DEK: variants seen among roughly 807,000 people sequenced by gnomAD.
DEK encodes DEK proto-oncogene.
DEK carries 28 observed loss-of-function variants against 46.8 expected under a neutral mutation model. The ratio of observed to expected loss-of-function variants is 0.60; its 90% CI spans 0.44 to 0.82. DEK has a LOEUF of 0.82. Among genes scored for constraint, DEK ranks in the 40% least tolerant of loss-of-function variants. The probability of loss-of-function intolerance (pLI) is 0.00; values close to 1 mark genes in which losing one functional copy is unlikely to be tolerated. For synonymous variants in DEK, 160 were observed against 144.5 expected, an observed-to-expected ratio of 1.11 and a Z score of -0.77; for missense variants, 416 against 430.6, an observed-to-expected ratio of 0.97 and a Z score of 0.30.
chr6:18,252,362 A>G (rs767347891), intron 6 of DEK, among the ~76,000 whole-genome samples: 30 of 152,020 alleles, frequency 2.0e-4, no homozygotes, highest in Non-Finnish European at 3.5e-4. Context: ...TGTAAAATTT[A>G]GCCACACATG....
chr6:18,240,549 G>C (rs1042149320), intron 7 of DEK, among the ~76,000 whole-genome samples: 4 of 152,268 alleles, frequency 2.6e-5, no homozygotes, highest in South Asian at 4.1e-4. Context: ...GGTAGTACCT[G>C]GCAAATAGTA....
At chr6:18,251,461 C>T (rs893340490) in intron 6 of DEK, among the ~76,000 whole-genome samples, 2 of 152,170 alleles carry the variant, frequency 1.3e-5, no homozygotes, top group Non-Finnish European at 2.9e-5. Context: ...AAAGAAACCA[C>T]AGGATAACCT....
intron 7 of DEK, among the ~76,000 whole-genome samples, chr6:18,248,467 C>T (rs535298973): frequency 1.3e-5 from 2 of 152,198 alleles, no homozygotes; most frequent in African/African-American, 4.8e-5. Flanking sequence ...GTTTTCCTCC[C>T]GGATATCCAA....
chr6:18,227,186 A>G (rs974681980), intron 9 of DEK, among the ~76,000 whole-genome samples: 3 of 152,140 alleles, frequency 2.0e-5, no homozygotes, highest in Non-Finnish European at 4.4e-5. Context: ...GAGGGTTAGT[A>G]TAAGAGGAAG....
intron 7 of DEK, among the ~76,000 whole-genome samples, chr6:18,245,560 T>C (rs1791077432): frequency 6.6e-6 from 1 of 152,160 alleles, no homozygotes; most frequent in African/African-American, 2.4e-5. Flanking sequence ...AAATAAAAAT[T>C]GAAGACAGAG....
At chr6:18,250,918 T>C (rs1031806844) in intron 6 of DEK, among the ~76,000 whole-genome samples, 1 of 152,236 alleles carries the variant, frequency 6.6e-6, no homozygotes, top group Non-Finnish European at 1.5e-5. Flanking sequence ...TTATCACTGA[T>C]GCCTATAAGT....
intron 2 of DEK, among the ~76,000 whole-genome samples, chr6:18,263,527 A>T (rs775272591): frequency 2.0e-5 from 3 of 152,178 alleles, no homozygotes; most frequent in Non-Finnish European, 2.9e-5. Context: ...GGTAAAAAAA[A>T]AAATCAAATC....
chr6:18,227,591 G>A (rs1028383734), intron 9 of DEK, among the ~76,000 whole-genome samples: 3 of 151,942 alleles, frequency 2.0e-5, no homozygotes, highest in African/African-American at 7.3e-5. Flanking sequence ...GGTCCCCTGA[G>A]TCCCCTTATT....
At chr6:18,255,928 G>C in intron 5 of DEK, 77 bp from the exon 6 acceptor site, 2 of 1,495,796 alleles carry the variant, frequency 1.3e-6, no homozygotes, top group Non-Finnish European at 1.8e-6. Context: ...TAAAGGGAAA[G>C]CCAACCAAAT....
intron 2 of DEK, among the ~76,000 whole-genome samples, chr6:18,259,927 T>C (rs1362358956): frequency 6.6e-6 from 1 of 152,226 alleles, no homozygotes; most frequent in Non-Finnish European, 1.5e-5. Flanking sequence ...CAACCCCTAC[T>C]ATCACTCAAC....
chr6:18,259,963 T>C (rs898069469), intron 2 of DEK, among the ~76,000 whole-genome samples: 1 of 152,212 alleles, frequency 6.6e-6, no homozygotes, highest in Non-Finnish European at 1.5e-5. Flanking sequence ...ATTTAAACTA[T>C]TTGCTTGTCT....
chr6:18,228,487 T>C (rs976816547), intron 9 of DEK, among the ~76,000 whole-genome samples: 1 of 151,208 alleles, frequency 6.6e-6, no homozygotes, highest in African/African-American at 2.4e-5. Flanking sequence ...CCAACTGAGA[T>C]ACCAGGTTCA....
intron 4 of DEK, among the ~76,000 whole-genome samples, chr6:18,257,249 C>T (rs1437596009): frequency 6.6e-6 from 1 of 152,096 alleles, no homozygotes; most frequent in Non-Finnish European, 1.5e-5. Context: ...CAAATGAGAT[C>T]ATATGTATGA....
chr6:18,231,194 C>G (rs148009990), intron 9 of DEK, among the ~76,000 whole-genome samples: 4,586 of 152,198 alleles, frequency 0.03, 216 homozygotes, highest in African/African-American at 0.1. Flanking sequence ...CAACATACCA[C>G]AATCTCTGGG....
chr6:18,241,764 A>G (rs1790902483), intron 7 of DEK, among the ~76,000 whole-genome samples: 1 of 152,216 alleles, frequency 6.6e-6, no homozygotes, highest in Non-Finnish European at 1.5e-5. Context: ...ATTTTTTTAA[A>G]CAATCATTTA....
rs1792030997 is a variant in DEK at position 18,264,493 on chromosome 6, C to CGCTCGCGCCGCGCGCTCG, written c.-136_-119dup. On this transcript the variant is annotated 5_prime_UTR_variant, in exon 1 of 11. Transcript: ENST00000652689. ...GCGCGCGGGCCGCTGTCTGGCGTGACGCTCGCGCCGCGCGCTCGGCTCCCC... is the reference window on the plus strand; with the variant it reads ...GCGCGCGGGCCGCTGTCTGGCGTGACGCTCGCGCCGCGCGCTCGGCTCGCGCCGCGCGCTCGGCTCCCC... The CGCTCGCGCCGCGCGCTCG allele has an allele frequency of 3.9e-6, 1 of 253,264 alleles. No homozygotes were observed. The highest frequency in any genetic ancestry group is 7.9e-6 in the Non-Finnish European group (1 of 126,850). 15.7% of individuals were successfully genotyped at this position (253,264 alleles called of 1,614,324 possible).
At chr6:18,262,520 G>T (rs377177067) in intron 2 of DEK, among the ~76,000 whole-genome samples, 67 of 152,218 alleles carry the variant, frequency 4.4e-4, no homozygotes, top group African/African-American at 1.6e-3. Flanking sequence ...AATTTGTCTA[G>T]AACAAAACAT....
intron 7 of DEK, among the ~76,000 whole-genome samples, chr6:18,243,143 T>C (rs1790971087): frequency 6.6e-6 from 1 of 152,180 alleles, no homozygotes; most frequent in Non-Finnish European, 1.5e-5. Context: ...GTTTCTTATA[T>C]ATTTATTATA....
chr6:18,252,691 G>A (rs779266908), intron 6 of DEK, among the ~76,000 whole-genome samples: 5 of 151,914 alleles, frequency 3.3e-5, no homozygotes, highest in African/African-American at 7.3e-5. Flanking sequence ...GACCTTTTTC[G>A]GAGTCTCCGA....
Sources: gnomAD v4.1 joint callset for allele counts (sites outside exome capture counted in the v4.1 genomes callset) on GRCh38, gnomAD v4.1.1 for gene constraint, MANE v1.5 for transcripts, NCBI Gene and HGNC (gene_info 2026-07-23, HGNC 2026-07-21) for gene names.